The following NEK9 variants were observed in gnomAD, a reference collection of about 807,000 sequenced individuals.
The protein encoded by NEK9 is serine/threonine-protein kinase Nek9.
In NEK9, 75 loss-of-function variants were observed where a neutral mutation model predicts 123.4. The observed-to-expected ratio is 0.61, with a 90% CI of 0.50 to 0.74. NEK9 has a LOEUF of 0.74. Among genes scored for constraint, NEK9 ranks in the 30% least tolerant of loss-of-function variants. The pLI is 0.00. For missense variants in NEK9, 952 were observed against 1,214.4 expected, an observed-to-expected ratio of 0.78 and a Z score of 3.21; for synonymous variants, 438 against 458.7, an observed-to-expected ratio of 0.95 and a Z score of 0.58.
intron 8 of NEK9, among the ~76,000 whole-genome samples, chr14:75,111,178 C>A (rs1259310397): frequency 6.6e-6 from 1 of 152,148 alleles, no homozygotes; most frequent in Non-Finnish European, 1.5e-5. Context: ...CTTGAATTAA[C>A]CACAATTTTC....
At chr14:75,113,463 AGAT>A in intron 7 of NEK9, 60 bp from the exon 8 acceptor site, 2 of 1,198,012 alleles carry the variant, frequency 1.7e-6, no homozygotes, top group Non-Finnish European at 2.5e-6. Context: ...TCGGATCTAA[AGAT>A]GTTAATTAGT....
Position 75,118,842 on chromosome 14 carries a change from G to A in NEK9, c.618C>T (p.Ser206=). The stretch of plus-strand genomic sequence containing the variant: ...GGGCAACACATACCGTCTCAGCCAT[G>A]GAATACTCAGAATTAAGTTTCTTTG... ...GLAKKLNSEY[S]MAETLVGTPY... The change falls in exon 5 of 22, where the codon TCC becomes TCT. Residue 206 remains serine, a synonymous_variant. Coordinates refer to ENST00000238616, the MANE Select transcript of NEK9 (RefSeq NM_033116.6). 1 of 1,593,406 alleles carries A rather than the reference G, an allele frequency of 6.3e-7. No homozygotes were observed. Among genetic ancestry groups the A allele is most frequent in the East Asian group, 2.2e-5 (1 of 44,784 alleles).
chr14:75,085,603 A>G (rs986598398), intron 21 of NEK9, among the ~76,000 whole-genome samples: 5 of 152,268 alleles, frequency 3.3e-5, no homozygotes, highest in Non-Finnish European at 7.3e-5. Flanking sequence ...CAGTTTTCAG[A>G]AAAGACAGGG....
chr14:75,120,257 G>A (rs963415748), intron 4 of NEK9, among the ~76,000 whole-genome samples: 2 of 152,122 alleles, frequency 1.3e-5, no homozygotes, highest in Admixed American at 6.6e-5. Context: ...TTAACAAACT[G>A]AACTCTAAAA....
intron 17 of NEK9, 157 bp downstream of exon 17, chr14:75,096,943 G>A (rs976570598): frequency 2.0e-6 from 1 of 512,592 alleles, no homozygotes. Context: ...ACAATGTTCT[G>A]TTCCCACCAC....
chr14:75,099,723 A>G (rs1311304506), intron 16 of NEK9, among the ~76,000 whole-genome samples: 1 of 148,908 alleles, frequency 6.7e-6, no homozygotes, highest in East Asian at 2.0e-4. Context: ...CGGTAGTTGC[A>G]GTGAGCTGAG....
chr14:75,084,343 A>T lies in NEK9; in HGVS notation c.*221T>A. 1.8e-6 allele frequency: 1 copy of T among 565,186 alleles called. No homozygotes were observed. The highest frequency in any genetic ancestry group is 2.1e-5 in the South Asian group (1 of 48,206). 35.0% of individuals were successfully genotyped at this position (565,186 alleles called of 1,614,324 possible). On this transcript the variant is annotated 3_prime_UTR_variant, in exon 22 of 22. Coordinates refer to ENST00000238616, the MANE Select transcript of NEK9 (RefSeq NM_033116.6). ...AGTCACTGATGACAAAGCCAGGGCC[A>T]TGGGGGCCCTTCCATTCTCCAAAAC...
At chr14:75,123,589 A>C (rs1378746927) in intron 2 of NEK9, among the ~76,000 whole-genome samples, 1 of 152,146 alleles carries the variant, frequency 6.6e-6, no homozygotes, top group Non-Finnish European at 1.5e-5. Flanking sequence ...GACCAGATAA[A>C]TAGGGCCATG....
chr14:75,108,112 G>A lies in NEK9; in HGVS notation c.1183-625C>T, dbSNP rs1473519124. Reference sequence around the variant, plus strand: ...CTATACAGCAATGAGACTAGTCCTTGATGACTTTTCAACTTTTTTTTTTTT... The same window carrying A: ...CTATACAGCAATGAGACTAGTCCTTAATGACTTTTCAACTTTTTTTTTTTT... On this transcript the variant is annotated intron_variant, in intron 10 of 21. Transcript: ENST00000238616. 1.3e-5 allele frequency among the ~76,000 whole-genome samples: 2 copies of A among 151,582 alleles called. 1 individual carries two copies. The highest frequency in any genetic ancestry group is 4.8e-5 in the African/African-American group (2 of 41,272).
At position 75,084,190 on chromosome 14, in the gene NEK9, A is replaced by T; in HGVS notation, c.*374T>A. The T allele has an allele frequency of 5.0e-6, 1 of 201,574 alleles. No homozygotes were observed. Among genetic ancestry groups the T allele is most frequent in the Admixed American group, 5.2e-5 (1 of 19,230 alleles). The allele number at this position is 201,574 out of a possible 1,614,324, so 12.5% of individuals were successfully genotyped here. ...ATGCCTGGTACTGAATTCCCAAGGC[A>T]GCTTCCAATCAATGGTGAAAATGAT... On this transcript the variant is annotated 3_prime_UTR_variant, in exon 22 of 22. Coordinates refer to ENST00000238616, the MANE Select transcript of NEK9 (RefSeq NM_033116.6).
chr14:75,101,202 C>T (rs370182881), intron 15 of NEK9, 49 bp from the exon 16 acceptor site: 2 of 1,562,892 alleles, frequency 1.3e-6, no homozygotes, highest in Non-Finnish European at 1.7e-6. Flanking sequence ...AGTCCTGGAA[C>T]CCAGAGAAGA....
intron 17 of NEK9, among the ~76,000 whole-genome samples, chr14:75,095,866 G>C (rs1236404011): frequency 1.3e-5 from 2 of 152,050 alleles, no homozygotes. Flanking sequence ...CTCTACTCTG[G>C]GTAACAGAGT....
chr14:75,114,229 G>A lies in NEK9; in HGVS notation c.847C>T (p.Gln283Ter). 1 of 1,613,722 alleles carries A rather than the reference G, an allele frequency of 6.2e-7. No individual in the cohort carries two copies. The highest frequency in any genetic ancestry group is 8.5e-7 in the Non-Finnish European group (1 of 1,179,654). Residue 283 changes from glutamine to a stop codon, truncating the protein, a stop_gained, in exon 7 of 22, where the codon CAA (glutamine) becomes TAA (stop). Transcript: ENST00000238616. LOFTEE classifies it high-confidence loss of function. ...TGGTCAAGGCACGAATGAACCATTT[G>A]GATCAATTCCAAAGAGTACTGGCTA... ...DSSQYSLELI[Q>*]MVHSCLDQDP...
chr14:75,112,921 G>A (rs115945434), intron 8 of NEK9, among the ~76,000 whole-genome samples: 49 of 152,262 alleles, frequency 3.2e-4, no homozygotes, highest in African/African-American at 1.1e-3. Flanking sequence ...CTTTTTATGC[G>A]TTATCTTCTT....
intron 2 of NEK9, among the ~76,000 whole-genome samples, chr14:75,123,672 C>T (rs1895417663): frequency 6.6e-6 from 1 of 152,056 alleles, no homozygotes; most frequent in African/African-American, 2.4e-5. Flanking sequence ...TAGCTGAAGA[C>T]AATATAAATA....
chr14:75,090,538 T>C (rs1208773828), intron 19 of NEK9, among the ~76,000 whole-genome samples: 1 of 151,990 alleles, frequency 6.6e-6, no homozygotes, highest in African/African-American at 2.4e-5. Flanking sequence ...TAACTTTCCA[T>C]GAAAATAAAT....
At chr14:75,118,787 T>C (rs1295807741) in intron 5 of NEK9, 43 bp downstream of exon 5, 1 of 1,108,092 alleles carries the variant, frequency 9.0e-7, no homozygotes, top group Admixed American at 1.8e-5. Flanking sequence ...TATTTCACAG[T>C]GCTAGAAAAT....
At chr14:75,108,818 G>A (rs192369079) in intron 10 of NEK9, among the ~76,000 whole-genome samples, 1 of 152,120 alleles carries the variant, frequency 6.6e-6, no homozygotes, top group African/African-American at 2.4e-5. Context: ...GCCTCCCGAA[G>A]TGCTGAGACT....
At chr14:75,107,791 G>A (rs1894827981) in intron 10 of NEK9, among the ~76,000 whole-genome samples, 1 of 151,908 alleles carries the variant, frequency 6.6e-6, no homozygotes, top group East Asian at 1.9e-4. Context: ...ATGGGCAAAG[G>A]GATTAAACAT....
Sources: gnomAD v4.1 joint callset for allele counts (sites outside exome capture counted in the v4.1 genomes callset) on GRCh38, gnomAD v4.1.1 for gene constraint, MANE v1.5 for transcripts, NCBI Gene and HGNC (gene_info 2026-07-23, HGNC 2026-07-21) for gene names.